ARHGAP18: variants seen among roughly 807,000 people sequenced by gnomAD.
The protein encoded by ARHGAP18 is Rho GTPase activating protein 18.
In ARHGAP18, 67 loss-of-function variants were observed where a neutral mutation model predicts 86.2. That is an observed-to-expected ratio of 0.78 (90% CI 0.64 to 0.95). The LOEUF (loss-of-function observed/expected upper bound fraction) is 0.95, where lower values mean the gene tolerates loss of function less well. Among genes scored for constraint, ARHGAP18 ranks in the 40% least tolerant of loss-of-function variants. The probability of loss-of-function intolerance (pLI) is 0.00; values close to 1 mark genes in which losing one functional copy is unlikely to be tolerated. For missense variants in ARHGAP18, 691 were observed against 780.4 expected, an observed-to-expected ratio of 0.89 and a Z score of 1.37; for synonymous variants, 283 against 280.4, an observed-to-expected ratio of 1.01 and a Z score of -0.09.
Position 129,625,149 on chromosome 6 carries a change from TTATATA to T in ARHGAP18, c.786+4198_786+4203del, listed in dbSNP as rs201632440. Among the ~76,000 whole-genome samples, 28 of 56,156 alleles carry T rather than the reference TTATATA, an allele frequency of 5.0e-4. 7 individuals are homozygous for T. Among genetic ancestry groups the T allele is most frequent in the East Asian group, 1.5e-3 (4 of 2,668 alleles). 36.8% of individuals were successfully genotyped at this position (56,156 alleles called of 152,430 possible). On this transcript the variant is annotated intron_variant, in intron 5 of 14. Coordinates refer to ENST00000368149, the MANE Select transcript of ARHGAP18 (RefSeq NM_033515.3). The stretch of plus-strand genomic sequence containing the variant: ...TATTATATATGATATATATTATATA[TTATATA>T]GATATATATTATATATGATATATTA...
intron 1 of ARHGAP18, among the ~76,000 whole-genome samples, chr6:129,669,425 G>A (rs1481239536): frequency 6.6e-6 from 1 of 151,294 alleles, no homozygotes; most frequent in Admixed American, 6.6e-5. Flanking sequence ...GCCCACCTCG[G>A]CTTCCCAAAG....
intron 1 of ARHGAP18, among the ~76,000 whole-genome samples, chr6:129,684,791 T>C (rs1774398270): frequency 6.6e-6 from 1 of 152,096 alleles, no homozygotes; most frequent in African/African-American, 2.4e-5. Flanking sequence ...GCCAAGAAAT[T>C]TGTCTAATAA....
chr6:129,600,845 G>A lies in ARHGAP18; in HGVS notation c.1369C>T (p.Leu457Phe). Residue 457 changes from leucine (L) to phenylalanine (F), a missense_variant, in exon 11 of 15, where the codon CTT becomes TTT. Coordinates refer to ENST00000368149, the MANE Select transcript of ARHGAP18 (RefSeq NM_033515.3). ...PDANRDTLKA[L>F]LEFLQRVIDN... The stretch of plus-strand genomic sequence containing the variant: ...ATTACTCTTTGGAGAAATTCAAGAA[G>A]GGCCTGAAACAGAAATGACTCTTTG... The A allele has an allele frequency of 6.2e-7, 1 of 1,609,816 alleles. No individual in the cohort carries two copies. Among genetic ancestry groups the A allele is most frequent in the Non-Finnish European group, 8.5e-7 (1 of 1,177,618 alleles).
intron 1 of ARHGAP18, among the ~76,000 whole-genome samples, chr6:129,664,713 T>C (rs1774008132): frequency 6.6e-6 from 1 of 152,238 alleles, no homozygotes; most frequent in Non-Finnish European, 1.5e-5. Context: ...GGGGATTTAG[T>C]AGTGAACAAA....
At chr6:129,659,741 C>T (rs1307921365) in intron 1 of ARHGAP18, among the ~76,000 whole-genome samples, 1 of 152,228 alleles carries the variant, frequency 6.6e-6, no homozygotes, top group African/African-American at 2.4e-5. Context: ...AGCCACCATG[C>T]CCGGCCTGGG....
intron 1 of ARHGAP18, among the ~76,000 whole-genome samples, chr6:129,664,070 T>G (rs866551845): frequency 2.0e-5 from 3 of 152,388 alleles, no homozygotes; most frequent in Middle Eastern, 3.4e-3. Flanking sequence ...CAATCCCATC[T>G]GAAAGCTATG....
Position 129,629,354 on chromosome 6 carries a change from G to A in ARHGAP18, c.785C>T (p.Pro262Leu). 6.2e-7 allele frequency: 1 copy of A among 1,613,434 alleles called. No individual in the cohort carries two copies. Among genetic ancestry groups the A allele is most frequent in the Middle Eastern group, 1.7e-4 (1 of 5,964 alleles). ...ATTTATAAAGAGTGTACTACGTACA[G>A]GTAATGTGGCATCATCGCCTTTGCT... is the stretch of plus-strand genomic sequence containing the variant. ...QKSKGDDATL[P>L]SFRLPKDKTG... Residue 262 changes from proline to leucine, a missense_variant and splice_region_variant, in exon 5 of 15, where the codon CCT becomes CTT. Coordinates refer to ENST00000368149, the MANE Select transcript of ARHGAP18 (RefSeq NM_033515.3).
Position 129,633,956 on chromosome 6 carries a change from T to C in ARHGAP18, c.616+86A>G. ...TTTTAATAGAATTTGCTTACTAGAA[T>C]TGAAGGTAATGTTTTATAAGACTGT... On this transcript the variant is annotated intron_variant, in intron 4 of 14. Transcript: ENST00000368149. The C allele has an allele frequency of 6.9e-6, 8 of 1,164,300 alleles. No homozygotes were observed. The South Asian group carries it at 1.1e-4, about 15-fold the overall frequency. 72.1% of individuals were successfully genotyped at this position (1,164,300 alleles called of 1,614,324 possible).
At chr6:129,616,332 C>G (rs1789098002) in intron 6 of ARHGAP18, 29 bp from the exon 7 acceptor site, 1 of 1,545,396 alleles carries the variant, frequency 6.5e-7, no homozygotes, top group Non-Finnish European at 8.9e-7. Flanking sequence ...AATTTCCTCA[C>G]TTTTGTCAAT....
At chr6:129,655,317 C>CAAAAAAAAAAAA (rs55681217) in intron 1 of ARHGAP18, among the ~76,000 whole-genome samples, 2 of 75,080 alleles carry the variant, frequency 2.7e-5, no homozygotes, top group African/African-American at 4.8e-5. Context: ...AAAACTCTCT[C>CAAAAAAAAAAAA]AAAAAAAAAA....
intron 9 of ARHGAP18, among the ~76,000 whole-genome samples, chr6:129,606,727 G>C (rs895106729): frequency 6.6e-6 from 1 of 152,134 alleles, no homozygotes; most frequent in Non-Finnish European, 1.5e-5. Context: ...AAACAGAAGA[G>C]ATTTCAGTTC....
intron 12 of ARHGAP18, among the ~76,000 whole-genome samples, chr6:129,597,753 A>G (rs538558061): frequency 6.6e-6 from 1 of 152,294 alleles, no homozygotes; most frequent in East Asian, 1.9e-4. Flanking sequence ...TCAAAGAGGT[A>G]AAGTTACAGC....
At chr6:129,602,087 C>G (rs1169615661) in intron 10 of ARHGAP18, among the ~76,000 whole-genome samples, 2 of 152,120 alleles carry the variant, frequency 1.3e-5, no homozygotes, top group African/African-American at 4.8e-5. Context: ...TCACCCTACT[C>G]TAACATGACT....
chr6:129,694,464 TA>T (rs1224519962), intron 1 of ARHGAP18, among the ~76,000 whole-genome samples: 2 of 152,194 alleles, frequency 1.3e-5, no homozygotes, highest in Non-Finnish European at 2.9e-5. Context: ...GATCCTTACC[TA>T]AAAATCAATT....
At chr6:129,656,512 G>C (rs146202864) in intron 1 of ARHGAP18, among the ~76,000 whole-genome samples, 1 of 152,006 alleles carries the variant, frequency 6.6e-6, no homozygotes, top group Non-Finnish European at 1.5e-5. Flanking sequence ...ATGGTGGTAC[G>C]CGCCTATAAT....
At chr6:129,601,631 C>CT (rs34417139) in intron 10 of ARHGAP18, among the ~76,000 whole-genome samples, 42,331 of 143,138 alleles carry the variant, frequency 0.3, 6,531 homozygotes, top group Non-Finnish European at 0.36. Flanking sequence ...GAGAATCTTT[C>CT]TTTTTTTTTT....
intron 5 of ARHGAP18, among the ~76,000 whole-genome samples, chr6:129,625,901 T>G (rs1584063213): frequency 1.3e-5 from 1 of 78,934 alleles, no homozygotes; most frequent in African/African-American, 4.8e-5. Context: ...ATATTATATA[T>G]TTATATATTA....
intron 1 of ARHGAP18, among the ~76,000 whole-genome samples, chr6:129,653,030 G>A (rs903775012): frequency 2.6e-5 from 4 of 151,958 alleles, no homozygotes; most frequent in South Asian, 2.1e-4. Flanking sequence ...TGATAATAAC[G>A]AAAGCTACAT....
intron 12 of ARHGAP18, among the ~76,000 whole-genome samples, chr6:129,595,300 C>G (rs1369811254): frequency 6.6e-6 from 1 of 152,298 alleles, no homozygotes; most frequent in Admixed American, 6.5e-5. Context: ...TCAAGATACA[C>G]ATTTGTACAC....
Sources: gnomAD v4.1 joint callset for allele counts (sites outside exome capture counted in the v4.1 genomes callset) on GRCh38, gnomAD v4.1.1 for gene constraint, MANE v1.5 for transcripts, NCBI Gene and HGNC (gene_info 2026-07-23, HGNC 2026-07-21) for gene names.